The following CAMKMT variants were observed in gnomAD, a reference collection of about 807,000 sequenced individuals.
The protein encoded by CAMKMT is calmodulin-lysine N-methyltransferase.
CAMKMT carries 53 observed loss-of-function variants against 48.0 expected under a neutral mutation model. The ratio of observed to expected loss-of-function variants is 1.10; its 90% CI spans 0.89 to 1.39. CAMKMT has a LOEUF of 1.39. CAMKMT is among the 40% of genes most tolerant of loss of function. The probability of loss-of-function intolerance (pLI) is 0.00; values close to 1 mark genes in which losing one functional copy is unlikely to be tolerated. For synonymous variants in CAMKMT, 165 were observed against 152.3 expected, an observed-to-expected ratio of 1.08 and a Z score of -0.61; for missense variants, 428 against 402.7, an observed-to-expected ratio of 1.06 and a Z score of -0.54.
At chr2:44,654,329 GT>G (rs1462085310) in intron 3 of CAMKMT, among the ~76,000 whole-genome samples, 3 of 151,012 alleles carry the variant, frequency 2.0e-5, no homozygotes, top group Non-Finnish European at 4.4e-5. Context: ...TTTTCTTTAA[GT>G]TTTTTACATT....
intron 7 of CAMKMT, chr2:44,723,940 G>C (rs1678632572): frequency 6.6e-6 from 1 of 152,164 alleles, no homozygotes; most frequent in Admixed American, 6.5e-5. Flanking sequence ...CAGATAATCT[G>C]TTTCAAGGAA....
intron 2 of CAMKMT, among the ~76,000 whole-genome samples, chr2:44,374,031 G>C (rs917493511): frequency 2.1e-5 from 3 of 145,422 alleles, no homozygotes; most frequent in Non-Finnish European, 4.5e-5. Context: ...GGCTGAGGTG[G>C]AAAGATTGAT....
At chr2:44,579,080 A>G (rs1164802033) in intron 3 of CAMKMT, among the ~76,000 whole-genome samples, 1 of 152,216 alleles carries the variant, frequency 6.6e-6, no homozygotes, top group African/African-American at 2.4e-5. Context: ...AAAAGCAGAC[A>G]TATTTCTTTG....
chr2:44,714,593 C>A (rs984577974), intron 6 of CAMKMT, among the ~76,000 whole-genome samples: 4 of 152,192 alleles, frequency 2.6e-5, no homozygotes, highest in African/African-American at 4.8e-5. Flanking sequence ...CTCTCCACCC[C>A]TCCCTAGCAG....
At chr2:44,613,537 C>T (rs1010217415) in intron 3 of CAMKMT, among the ~76,000 whole-genome samples, 1 of 152,194 alleles carries the variant, frequency 6.6e-6, no homozygotes, top group Non-Finnish European at 1.5e-5. Context: ...ATATGCAAAG[C>T]ACTGTGTTTA....
chr2:44,457,148 A>T (rs780489111), intron 3 of CAMKMT: 1 of 152,220 alleles, frequency 6.6e-6, no homozygotes, highest in Non-Finnish European at 1.5e-5. Flanking sequence ...TCCTTCATCA[A>T]CCCAGTTTCC....
intron 3 of CAMKMT, among the ~76,000 whole-genome samples, chr2:44,554,512 G>A (rs549045199): frequency 6.6e-6 from 1 of 152,268 alleles, no homozygotes; most frequent in South Asian, 2.1e-4. Context: ...AAGACAGAAG[G>A]ATTGTGTGAA....
intron 3 of CAMKMT, among the ~76,000 whole-genome samples, chr2:44,529,845 G>A (rs1666385941): frequency 6.6e-6 from 1 of 152,178 alleles, no homozygotes; most frequent in African/African-American, 2.4e-5. Context: ...ATTGCAATCT[G>A]TGAGTAATTT....
At chr2:44,550,030 G>A (rs2103647275) in intron 3 of CAMKMT, among the ~76,000 whole-genome samples, 1 of 152,304 alleles carries the variant, frequency 6.6e-6, no homozygotes, top group Non-Finnish European at 1.5e-5. Flanking sequence ...AAAGGAATGT[G>A]TGTGTAGTCA....
intron 3 of CAMKMT, among the ~76,000 whole-genome samples, chr2:44,651,271 C>G (rs1444354821): frequency 6.6e-6 from 1 of 152,226 alleles, no homozygotes; most frequent in Non-Finnish European, 1.5e-5. Flanking sequence ...TGGGAGCAAT[C>G]TAGTTACCTG....
intron 3 of CAMKMT, among the ~76,000 whole-genome samples, chr2:44,482,221 A>G (rs1366738109): frequency 2.0e-5 from 3 of 152,160 alleles, no homozygotes; most frequent in Non-Finnish European, 4.4e-5. Flanking sequence ...GATTCTATGT[A>G]ACAAGTAGTA....
At chr2:44,662,554 T>G (rs1674737002) in intron 3 of CAMKMT, among the ~76,000 whole-genome samples, 2 of 152,158 alleles carry the variant, frequency 1.3e-5, no homozygotes, top group African/African-American at 4.8e-5. Context: ...CAAGAAAGTG[T>G]TCTTTTTTGT....
At chr2:44,586,741 G>A (rs1370532730) in intron 3 of CAMKMT, among the ~76,000 whole-genome samples, 1 of 152,052 alleles carries the variant, frequency 6.6e-6, no homozygotes, top group Non-Finnish European at 1.5e-5. Flanking sequence ...TTCCAGCTTT[G>A]GGTTATTATA....
chr2:44,758,554 G>T (rs1680477311), intron 9 of CAMKMT, among the ~76,000 whole-genome samples: 1 of 152,138 alleles, frequency 6.6e-6, no homozygotes. Context: ...AACACTACAA[G>T]GGACTCTCCA....
At chr2:44,715,180 G>A (rs1387680660) in intron 6 of CAMKMT, 107 bp from the exon 7 acceptor site, 37 of 686,236 alleles carry the variant, frequency 5.4e-5, no homozygotes, top group Middle Eastern at 3.3e-4. Flanking sequence ...GCAACAGAGC[G>A]AGACCCTGTC....
At chr2:44,446,575 G>A (rs370083714) in intron 3 of CAMKMT, among the ~76,000 whole-genome samples, 31 of 151,840 alleles carry the variant, frequency 2.0e-4, no homozygotes, top group African/African-American at 6.8e-4. Flanking sequence ...TGAACTCCTG[G>A]CCTCAAGTGA....
At chr2:44,689,782 T>C (rs1408827991) in intron 3 of CAMKMT, among the ~76,000 whole-genome samples, 1 of 152,174 alleles carries the variant, frequency 6.6e-6, no homozygotes, top group Non-Finnish European at 1.5e-5. Flanking sequence ...CCCAGATAGC[T>C]CACATCAGGA....
chr2:44,616,952 A>G (rs996066628), intron 3 of CAMKMT, among the ~76,000 whole-genome samples: 2 of 152,232 alleles, frequency 1.3e-5, no homozygotes, highest in Non-Finnish European at 2.9e-5. Flanking sequence ...CAGATCAGGA[A>G]AAAAAGCTGC....
At chr2:44,751,802 G>A (rs1168348238) in intron 8 of CAMKMT, among the ~76,000 whole-genome samples, 1 of 152,230 alleles carries the variant, frequency 6.6e-6, no homozygotes, top group Non-Finnish European at 1.5e-5. Flanking sequence ...TCTGCAGGCT[G>A]TGCAGGAAGC....
Sources: gnomAD v4.1 joint callset for allele counts (sites outside exome capture counted in the v4.1 genomes callset) on GRCh38, gnomAD v4.1.1 for gene constraint, MANE v1.5 for transcripts, NCBI Gene and HGNC (gene_info 2026-07-23, HGNC 2026-07-21) for gene names.